IL23R: variants seen among roughly 807,000 people sequenced by gnomAD.
IL23R encodes interleukin-23 receptor.
Under a neutral mutation model 56.9 loss-of-function variants are expected in IL23R, and 34 were observed. The observed-to-expected ratio is 0.60, with a 90% confidence interval of 0.45 to 0.80. The LOEUF is 0.80. Among genes scored for constraint, IL23R ranks in the 30% least tolerant of loss-of-function variants. The pLI, the probability that IL23R is intolerant of heterozygous loss-of-function variation, is 0.00. For missense variants in IL23R, 635 were observed against 730.0 expected (o/e 0.87, Z 1.50); for synonymous variants, 230 against 249.2 (o/e 0.92, Z 0.73).
In IL23R at chr1:67,258,953, C is replaced by G; in HGVS notation, c.1715C>G (p.Thr572Ser). The G allele has an allele frequency of 6.2e-7, 1 of 1,614,092 alleles. No homozygotes were observed. The highest frequency in any genetic ancestry group is 8.5e-7 in the Non-Finnish European group (1 of 1,179,996). ...CAAAACTCAGTAGAGGAGGAAACCA[C>G]CATGCTTTTGGAAAATGATTCACCC... The part of the protein sequence containing the change: ...DIQNSVEEET[T>S]MLLENDSPSE... The change falls in exon 11 of 11, where the codon ACC becomes AGC. Residue 572 changes from threonine to serine, a missense_variant. Transcript: ENST00000347310.
At chr1:67,190,620 A>C (rs1647671785) in intron 4 of IL23R, among the ~76,000 whole-genome samples, 1 of 152,168 alleles carries the variant, frequency 6.6e-6, no homozygotes, top group Non-Finnish European at 1.5e-5. Flanking sequence ...ATAGCCCTGC[A>C]TTCTGTTCCA....
intron 4 of IL23R, among the ~76,000 whole-genome samples, chr1:67,192,726 T>C (rs1170932604): frequency 6.6e-6 from 1 of 152,218 alleles, no homozygotes; most frequent in African/African-American, 2.4e-5. Flanking sequence ...CTCTCTATTA[T>C]GGCCTTCATC....
chr1:67,206,396 GA>G (rs527726429), intron 5 of IL23R, among the ~76,000 whole-genome samples: 19 of 151,398 alleles, frequency 1.3e-4, no homozygotes, highest in Non-Finnish European at 2.4e-4. Context: ...CTGCAACCTT[GA>G]ACTCCTGGGC....
chr1:67,183,301 AAGGT>A (rs1647183912), intron 4 of IL23R, among the ~76,000 whole-genome samples: 1 of 152,190 alleles, frequency 6.6e-6, no homozygotes, highest in African/African-American at 2.4e-5. Flanking sequence ...TTGGGAGGCC[AAGGT>A]GGGTGAATAA....
chr1:67,181,634 G>T (rs1434180452), intron 3 of IL23R, among the ~76,000 whole-genome samples: 3 of 152,300 alleles, frequency 2.0e-5, no homozygotes, highest in South Asian at 4.1e-4. Flanking sequence ...CTCTCAACTT[G>T]TCAAAGTCAT....
At chr1:67,140,022 C>T (rs537604367) in intron 1 of IL23R, among the ~76,000 whole-genome samples, 1 of 152,272 alleles carries the variant, frequency 6.6e-6, no homozygotes, top group South Asian at 2.1e-4. Flanking sequence ...CCTGTGCCAC[C>T]GTGGGACTCT....
chr1:67,264,758 CT>C (rs1374267896), downstream of IL23R, among the ~76,000 whole-genome samples: 1 of 152,154 alleles, frequency 6.6e-6, no homozygotes, highest in African/African-American at 2.4e-5. Flanking sequence ...CACACTGCAC[CT>C]TTTAGATCCA....
At chr1:67,173,955 T>A (rs1014522426) in intron 3 of IL23R, among the ~76,000 whole-genome samples, 1 of 152,226 alleles carries the variant, frequency 6.6e-6, no homozygotes. Context: ...ATGACTTCAC[T>A]ACATATACTT....
At chr1:67,140,645 CT>C (rs1229515986) in intron 1 of IL23R, among the ~76,000 whole-genome samples, 1 of 152,120 alleles carries the variant, frequency 6.6e-6, no homozygotes, top group Non-Finnish European at 1.5e-5. Context: ...ATGTATTAAT[CT>C]TTGACTCAGC....
Position 67,219,772 on chromosome 1 carries a change from A to G in IL23R, c.955+42A>G, listed in dbSNP as rs777844297. 7.6e-6 allele frequency: 12 copies of G among 1,575,494 alleles called. No individual in the cohort carries two copies. In the Admixed American group the frequency reaches 1.2e-4, roughly 15 times the overall value. ...ATTTTATTCTGTTGGGCTTTTCTTT[A>G]TATATCTTTTCTGCTGAGCACAGTG... On this transcript the variant is annotated intron_variant, in intron 7 of 10. Transcript: ENST00000347310.
At chr1:67,205,647 A>C (rs2102632775) in intron 5 of IL23R, among the ~76,000 whole-genome samples, 1 of 152,344 alleles carries the variant, frequency 6.6e-6, no homozygotes, top group Middle Eastern at 3.4e-3. Flanking sequence ...AACCAATCAG[A>C]ATTTCAGTTC....
intron 1 of IL23R, among the ~76,000 whole-genome samples, chr1:67,148,103 G>C (rs1321648850): frequency 6.6e-6 from 1 of 152,248 alleles, no homozygotes; most frequent in Non-Finnish European, 1.5e-5. Context: ...GCACTTAGCC[G>C]TGAAGGAACA....
At chr1:67,215,311 T>C (rs1218001418) in intron 6 of IL23R, among the ~76,000 whole-genome samples, 1 of 152,168 alleles carries the variant, frequency 6.6e-6, no homozygotes, top group Non-Finnish European at 1.5e-5. Flanking sequence ...GTCCAGCTGG[T>C]CTAAGGTGAG....
At position 67,215,923 on chromosome 1, in the gene IL23R, C is replaced by G. The variant is rs1445083262; in HGVS notation, c.799-3651C>G. Among the ~76,000 whole-genome samples the G allele has an allele frequency of 2.6e-5, 4 of 152,076 alleles. 1 individual carries two copies. The East Asian group carries it at 5.8e-4, about 22-fold the overall frequency. ...GCCAATTCCCTAAACATTGACATTCCCTTCATACCTACCATCTCACTGTCT... is the reference window on the plus strand; with the variant it reads ...GCCAATTCCCTAAACATTGACATTCGCTTCATACCTACCATCTCACTGTCT... On this transcript the variant is annotated intron_variant, in intron 6 of 10. Coordinates refer to ENST00000347310, the MANE Select transcript of IL23R (RefSeq NM_144701.3).
intron 7 of IL23R, among the ~76,000 whole-genome samples, chr1:67,226,428 C>T (rs928208529): frequency 1.1e-4 from 16 of 152,080 alleles, no homozygotes; most frequent in African/African-American, 3.9e-4. Context: ...GATGATCTTC[C>T]CCTGGAGTTG....
intron 7 of IL23R, among the ~76,000 whole-genome samples, chr1:67,234,707 C>CTTT (rs5774860): frequency 0.15 from 17,797 of 117,476 alleles, 2,300 homozygotes; most frequent in Non-Finnish European, 0.21. Context: ...TATTTTTACT[C>CTTT]TTTTTTTTTT....
At chr1:67,139,713 T>G (rs1570747740) in intron 1 of IL23R, among the ~76,000 whole-genome samples, 1 of 152,334 alleles carries the variant, frequency 6.6e-6, no homozygotes, top group East Asian at 1.9e-4. Context: ...CCTTAATTTA[T>G]ATTTTTTAAA....
chr1:67,237,279 G>A (rs1425130533), intron 8 of IL23R, among the ~76,000 whole-genome samples: 1 of 152,160 alleles, frequency 6.6e-6, no homozygotes, highest in Non-Finnish European at 1.5e-5. Flanking sequence ...GACCTCAGGT[G>A]ATCCACCCAC....
Position 67,219,602 on chromosome 1 carries a change from A to C in IL23R, c.827A>C (p.Tyr276Ser). ...NVKEFDTNFT[Y>S]VQQSEFYLEP... ...AAAGAATTTGACACCAATTTTACAT[A>C]TGTGCAACAGTCAGAATTCTACTTG... The change falls in exon 7 of 11, where the codon TAT becomes TCT. Residue 276 changes from tyrosine (Y) to serine (S), a missense_variant. Physicochemically the swap from Tyr to Ser is moderately radical, Grantham distance 144 (BLOSUM62 -2). Coordinates refer to ENST00000347310, the MANE Select transcript of IL23R (RefSeq NM_144701.3). The C allele has an allele frequency of 6.2e-7, 1 of 1,614,036 alleles. No homozygotes were observed. The highest frequency in any genetic ancestry group is 8.5e-7 in the Non-Finnish European group (1 of 1,179,940).
Sources: allele counts gnomAD v4.1 joint callset (sites outside exome capture counted in the v4.1 genomes callset), GRCh38; gene constraint gnomAD v4.1.1; transcripts MANE v1.5; gene names NCBI Gene and HGNC (gene_info 2026-07-23, HGNC 2026-07-21).